The following NPAS3 variants were observed in gnomAD, a reference collection of about 807,000 sequenced individuals.
The protein encoded by NPAS3 is neuronal PAS domain protein 3, also known as neuronal PAS domain-containing protein 3.
NPAS3 carries 14 observed loss-of-function variants against 73.1 expected under a neutral mutation model. The ratio of observed to expected loss-of-function variants is 0.19; its 90% CI spans 0.13 to 0.30. The LOEUF (loss-of-function observed/expected upper bound fraction) is 0.30. NPAS3 is among the 10% of genes least tolerant of loss of function. The pLI is 1.00. For missense variants in NPAS3, 1,096 were observed against 1,250.0 expected, an observed-to-expected ratio of 0.88 and a Z score of 1.86; for synonymous variants, 620 against 541.5, an observed-to-expected ratio of 1.14 and a Z score of -2.01.
chr14:33,094,575 C>T (rs769586162), intron 2 of NPAS3, among the ~76,000 whole-genome samples: 2 of 151,728 alleles, frequency 1.3e-5, no homozygotes, highest in Non-Finnish European at 2.9e-5. Flanking sequence ...AAGGTATTCT[C>T]CTGCCTCAGC....
intron 4 of NPAS3, among the ~76,000 whole-genome samples, chr14:33,554,396 T>C (rs2055259967): frequency 6.6e-6 from 1 of 152,226 alleles, no homozygotes; most frequent in Non-Finnish European, 1.5e-5. Flanking sequence ...AGTCTGAGCC[T>C]GAATTGGAAG....
At chr14:33,143,432 G>A (rs1251720190) in intron 2 of NPAS3, among the ~76,000 whole-genome samples, 2 of 151,008 alleles carry the variant, frequency 1.3e-5, no homozygotes, top group Non-Finnish European at 3.0e-5. Flanking sequence ...CAGAGGTTGA[G>A]GTGAGCCGAG....
Position 33,076,294 on chromosome 14 carries a change from A to G in NPAS3, c.140+20300A>G, listed in dbSNP as rs566344978. Among the ~76,000 whole-genome samples the G allele has an allele frequency of 2.0e-5, 3 of 152,354 alleles. No homozygotes were observed. In the East Asian group the frequency reaches 5.8e-4, roughly 29 times the overall value. On this transcript the variant is annotated intron_variant, in intron 2 of 11. Coordinates refer to ENST00000356141, the Ensembl canonical transcript of NPAS3. The stretch of plus-strand genomic sequence containing the variant: ...GTAAAGAGCTTTTTGCTGAAAAGCC[A>G]CCTAGAGCCCTTGGGCAGGGGCATT...
At chr14:33,619,429 G>C (rs1391774845) in intron 5 of NPAS3, among the ~76,000 whole-genome samples, 1 of 151,726 alleles carries the variant, frequency 6.6e-6, no homozygotes, top group Non-Finnish European at 1.5e-5. Context: ...TATATGAAAT[G>C]AGACAAGACT....
intron 4 of NPAS3, among the ~76,000 whole-genome samples, chr14:33,509,125 G>T (rs182401546): frequency 6.6e-6 from 1 of 151,620 alleles, no homozygotes; most frequent in Admixed American, 6.6e-5. Flanking sequence ...TTAAGGGGGT[G>T]GTATTATTAG....
At chr14:33,599,293 T>G (rs1371236624) in intron 5 of NPAS3, among the ~76,000 whole-genome samples, 1 of 152,224 alleles carries the variant, frequency 6.6e-6, no homozygotes, top group African/African-American at 2.4e-5. Context: ...AGAACAGATG[T>G]AAGAGTTGTA....
At chr14:33,462,688 A>G (rs902729077) in intron 4 of NPAS3, among the ~76,000 whole-genome samples, 3 of 152,166 alleles carry the variant, frequency 2.0e-5, no homozygotes, top group Admixed American at 2.0e-4. Context: ...GGCACCTTCC[A>G]GCCTAAGGCA....
intron 4 of NPAS3, among the ~76,000 whole-genome samples, chr14:33,415,407 T>A (rs1458114123): frequency 6.6e-6 from 1 of 152,186 alleles, no homozygotes; most frequent in African/African-American, 2.4e-5. Flanking sequence ...TCTGTCCTTC[T>A]ATCCATATCT....
chr14:33,167,874 T>A (rs2045225101), intron 2 of NPAS3, among the ~76,000 whole-genome samples: 1 of 152,174 alleles, frequency 6.6e-6, no homozygotes, highest in Admixed American at 6.5e-5. Context: ...TACTTTACAA[T>A]AACGAAAATC....
intron 4 of NPAS3, among the ~76,000 whole-genome samples, chr14:33,423,526 C>A (rs1003875452): frequency 4.0e-5 from 6 of 151,824 alleles, no homozygotes; most frequent in Non-Finnish European, 5.9e-5. Context: ...TGTTAATATC[C>A]ATTTTATTTG....
intron 10 of NPAS3, among the ~76,000 whole-genome samples, chr14:33,796,036 G>A (rs1052734350): frequency 1.4e-4 from 21 of 152,058 alleles, no homozygotes; most frequent in African/African-American, 4.8e-4. Context: ...GCTTTAGCAG[G>A]GGAAACTCCA....
At chr14:33,108,729 T>C (rs918911772) in intron 2 of NPAS3, among the ~76,000 whole-genome samples, 9 of 152,182 alleles carry the variant, frequency 5.9e-5, no homozygotes, top group Non-Finnish European at 1.2e-4. Context: ...GAAAACTCTG[T>C]GTTGAATATC....
chr14:33,518,179 A>G (rs1463722156), intron 4 of NPAS3, among the ~76,000 whole-genome samples: 1 of 152,038 alleles, frequency 6.6e-6, no homozygotes, highest in East Asian at 1.9e-4. Flanking sequence ...AAGAGGATGC[A>G]GGTAGCTCAG....
At chr14:33,563,517 T>TACAA (rs2055756073) in intron 5 of NPAS3, among the ~76,000 whole-genome samples, 1 of 106,910 alleles carries the variant, frequency 9.4e-6, no homozygotes, top group Non-Finnish European at 1.9e-5. Flanking sequence ...TACACATACA[T>TACAA]ACACACACAC....
chr14:33,540,215 A>G (rs2054448569), intron 4 of NPAS3, among the ~76,000 whole-genome samples: 2 of 152,188 alleles, frequency 1.3e-5, no homozygotes, highest in African/African-American at 2.4e-5. Context: ...CTTTCTCTGT[A>G]TTTAATACAT....
chr14:33,577,584 C>T (rs1232860359), intron 5 of NPAS3, among the ~76,000 whole-genome samples: 1 of 152,162 alleles, frequency 6.6e-6, no homozygotes, highest in East Asian at 1.9e-4. Flanking sequence ...CAGGACTCTA[C>T]CTCTGCATTC....
At chr14:33,751,677 C>T (rs568168140) in intron 7 of NPAS3, among the ~76,000 whole-genome samples, 1 of 152,174 alleles carries the variant, frequency 6.6e-6, no homozygotes, top group Non-Finnish European at 1.5e-5. Context: ...AAACCCCTGA[C>T]CTTTCAAGAT....
intron 4 of NPAS3, among the ~76,000 whole-genome samples, chr14:33,494,155 C>T (rs908210307): frequency 2.0e-5 from 3 of 152,062 alleles, no homozygotes; most frequent in African/African-American, 7.2e-5. Context: ...TCTGTTTCTC[C>T]AGCGTGCCCT....
At chr14:33,776,590 T>C (rs1378848859) in intron 8 of NPAS3, among the ~76,000 whole-genome samples, 3 of 89,948 alleles carry the variant, frequency 3.3e-5, no homozygotes, top group South Asian at 8.1e-4. Context: ...TATTAGCCAA[T>C]ACAATACAGC....
Sources: allele counts gnomAD v4.1 joint callset (sites outside exome capture counted in the v4.1 genomes callset), GRCh38; gene constraint gnomAD v4.1.1; transcripts MANE v1.5; gene names NCBI Gene and HGNC (gene_info 2026-07-23, HGNC 2026-07-21).